Variants in ZNF142 observed in about 807,000 individuals in gnomAD.
ZNF142 encodes the protein zinc finger protein 142, also known as zinc finger protein 142 (clone pHZ-49).
Under a neutral mutation model 132.1 loss-of-function variants are expected in ZNF142, and 96 were observed. The observed-to-expected ratio is 0.73, with a 90% CI of 0.62 to 0.86. The LOEUF (loss-of-function observed/expected upper bound fraction) is 0.86, where lower values mean the gene tolerates loss of function less well. Among genes scored for constraint, ZNF142 ranks in the 40% least tolerant of loss-of-function variants. The pLI, the probability that ZNF142 is intolerant of heterozygous loss-of-function variation, is 0.00. For synonymous variants in ZNF142, 842 were observed against 890.1 expected, an observed-to-expected ratio of 0.95 and a Z score of 0.96; for missense variants, 2,163 against 2,336.2, an observed-to-expected ratio of 0.93 and a Z score of 1.53.
chr2:218,633,443 C>T lies in ZNF142; in HGVS notation c.*4896G>A, dbSNP rs1221320278. ...CTGTTGTCAGATTGTGGCCCAGGCT[C>T]CTATTTCCAAGCCTGAGTCCCTTCT... On this transcript the variant is annotated 3_prime_UTR_variant, in exon 11 of 11. Coordinates refer to ENST00000411696, the MANE Select transcript of ZNF142 (RefSeq NM_001379659.1). 3 of 834,260 alleles carry T rather than the reference C, an allele frequency of 3.6e-6. No homozygotes were observed. The highest frequency in any genetic ancestry group is 4.0e-5 in the Admixed American group (2 of 50,270). 51.7% of individuals were successfully genotyped at this position (834,260 alleles called of 1,614,324 possible). A position where few individuals can be genotyped will look rare whatever the true frequency, so the allele number is the denominator to read the frequency against.
rs778180578 is a variant in ZNF142 at position 218,643,645 on chromosome 2, G to A, written c.3471C>T (p.Ala1157=). ...GAGGGACTGGGGAACCAGAGACTGT[G>A]GCAAGAGGCTCTTCTGTTTCTTCTG... ...REPEETEEPL[A]TVSGSPVPPA... Residue 1157 remains alanine, a synonymous_variant, in exon 9 of 11, where the codon GCC becomes GCT. Coordinates refer to ENST00000411696, the MANE Select transcript of ZNF142 (RefSeq NM_001379659.1). The A allele has an allele frequency of 1.1e-5, 17 of 1,550,524 alleles. No homozygotes were observed. Among genetic ancestry groups the A allele is most frequent in the Non-Finnish European group, 1.4e-5 (16 of 1,151,948 alleles).
intron 10 of ZNF142, among the ~76,000 whole-genome samples, chr2:218,640,144 G>T (rs1697066227): frequency 6.8e-6 from 1 of 146,838 alleles, no homozygotes; most frequent in African/African-American, 2.5e-5. Context: ...CATAAAAGCA[G>T]AGGGCCTTGA....
Position 218,659,558 on chromosome 2 carries a change from CCTCCACCCCCA to C in ZNF142, c.-562_-552del, listed in dbSNP as rs770357884. 4 of 152,296 alleles carry C rather than the reference CCTCCACCCCCA, an allele frequency of 2.6e-5. No homozygotes were observed. The highest frequency in any genetic ancestry group is 5.9e-5 in the Non-Finnish European group (4 of 68,142). The allele number at this position is 152,296 out of a possible 1,614,324, so 9.4% of individuals were successfully genotyped here. Reference sequence around the variant, plus strand: ...GTTTTGTCTCTGTGGTTTTTCCCGCCCTCCACCCCCACTCCAGCCCTGAAGCCGGAGAAGCA... The same window carrying C: ...GTTTTGTCTCTGTGGTTTTTCCCGCCCTCCAGCCCTGAAGCCGGAGAAGCA... On this transcript the variant is annotated 5_prime_UTR_variant, in exon 1 of 11. The change abolishes the stop of an existing upstream ORF in the 5' untranslated region. Transcript: ENST00000411696. The surrounding 1 kb of genome is among the most constrained non-coding windows in gnomAD (Gnocchi z 4.4).
In ZNF142 at chr2:218,656,273, G is replaced by C. The variant is rs1381915819; in HGVS notation, c.157C>G (p.Pro53Ala). 3.1e-6 allele frequency: 5 copies of C among 1,613,360 alleles called. No homozygotes were observed. The highest frequency in any genetic ancestry group is 4.2e-6 in the Non-Finnish European group (5 of 1,179,702). ...PCPSRDPAPI[P>A]TEPGCLLVEA... Reference sequence around the variant, plus strand: ...ACCAGCAGGCAGCCTGGCTCAGTAGGTATAGGTGCAGGGTCCCGGGAAGGA... The same window carrying C: ...ACCAGCAGGCAGCCTGGCTCAGTAGCTATAGGTGCAGGGTCCCGGGAAGGA... The change falls in exon 4 of 11, where the codon CCT (proline) becomes GCT (alanine). Residue 53 changes from proline to alanine, a missense_variant. Transcript: ENST00000411696.
At position 218,640,729 on chromosome 2, in the gene ZNF142, C is replaced by G. The variant is rs779648750; in HGVS notation, c.5129G>C (p.Cys1710Ser). 2 of 1,614,164 alleles carry G rather than the reference C, an allele frequency of 1.2e-6. No homozygotes were observed. Among genetic ancestry groups the G allele is most frequent in the Non-Finnish European group, 1.7e-6 (2 of 1,180,028 alleles). The stretch of plus-strand genomic sequence containing the variant: ...CTTGCACTTGTAGCCACACTCAGGG[C>G]ACAGGTACTTCCGTTCCTCCTTGTG... ...RIHKEERKYLCPECGYKCKWV... is the reference protein window; with the variant it reads ...RIHKEERKYLSPECGYKCKWV... Residue 1710 changes from cysteine to serine, a missense_variant, in exon 10 of 11, where the codon TGC becomes TCC. By Grantham distance (112) the Cys-to-Ser change is moderately radical. Coordinates refer to ENST00000411696, the MANE Select transcript of ZNF142 (RefSeq NM_001379659.1).
chr2:218,633,795 T>C lies in ZNF142; in HGVS notation c.*4544A>G, dbSNP rs1696535203. 6.2e-7 allele frequency: 1 copy of C among 1,610,528 alleles called. No homozygotes were observed. On this transcript the variant is annotated 3_prime_UTR_variant, in exon 11 of 11. Coordinates refer to ENST00000411696, the MANE Select transcript of ZNF142 (RefSeq NM_001379659.1). ...CAAAATGGAGGGATGGGGAGGGAAG[T>C]GGGATGGATAGGTTCAGGCCTGATG...
Position 218,635,787 on chromosome 2 carries a change from T to C in ZNF142, c.*2552A>G. 6.2e-7 allele frequency: 1 copy of C among 1,610,522 alleles called. No homozygotes were observed. The highest frequency in any genetic ancestry group is 8.5e-7 in the Non-Finnish European group (1 of 1,178,426). Reference sequence around the variant, plus strand: ...AGGAACTTGTGAGATTCCAGAGCCCTGACTACAGGTGATCAGCGGTCAGCA... The same window carrying C: ...AGGAACTTGTGAGATTCCAGAGCCCCGACTACAGGTGATCAGCGGTCAGCA... On this transcript the variant is annotated 3_prime_UTR_variant, in exon 11 of 11. Coordinates refer to ENST00000411696, the MANE Select transcript of ZNF142 (RefSeq NM_001379659.1).
intron 4 of ZNF142, 55 bp downstream of exon 4, chr2:218,656,095 A>T: frequency 2.8e-6 from 4 of 1,443,916 alleles, no homozygotes; most frequent in Non-Finnish European, 3.7e-6. Flanking sequence ...AAAATAACCC[A>T]GACAAAACCT....
chr2:218,644,839 C>T lies in ZNF142; in HGVS notation c.2277G>A (p.Val759=). ...CSYQSRHKQA[V]LSHENCKHTR... ...TATGCTTGCAGTTCTCATGGCTCAGCACAGCCTGCTTGTGGCGGCTCTGGT... is the reference window on the plus strand; with the variant it reads ...TATGCTTGCAGTTCTCATGGCTCAGTACAGCCTGCTTGTGGCGGCTCTGGT... The change falls in exon 9 of 11, where the codon GTG becomes GTA. Residue 759 remains valine, a synonymous_variant. Transcript: ENST00000411696. The surrounding 1 kb of genome is among the most constrained non-coding windows in gnomAD (Gnocchi z 4.6). 6.2e-7 allele frequency: 1 copy of T among 1,614,218 alleles called. No homozygotes were observed. Among genetic ancestry groups the T allele is most frequent in the Non-Finnish European group, 8.5e-7 (1 of 1,180,040 alleles).
chr2:218,642,427 G>T lies in ZNF142; in HGVS notation c.4689C>A (p.Phe1563Leu), dbSNP rs761757094. The change falls in exon 9 of 11, where the codon TTC (phenylalanine) becomes TTA (leucine). Residue 1563 changes from phenylalanine (F) to leucine (L), a missense_variant. Physicochemically the swap from Phe to Leu is conservative, Grantham distance 22. Around this residue, in one of 7 missense-constraint regions of ZNF142, gnomAD observed 809 missense variants for 801.7 expected, o/e 1.01. Transcript: ENST00000411696. This position sits in a 1 kb window ranked among gnomAD's most constrained non-coding sequence, Gnocchi z 4.6. ...RLECGACQEA[F>L]PSRLALDEHR... ...GCTCATCCAGAGCCAGTCGGCTAGG[G>T]AAGGCCTCCTGGCAGGCCCCACACT... 6.2e-7 allele frequency: 1 copy of T among 1,613,064 alleles called. No individual in the cohort carries two copies. Among genetic ancestry groups the T allele is most frequent in the African/African-American group, 1.3e-5 (1 of 75,064 alleles).
rs754194022 is a variant in ZNF142 at position 218,643,196 on chromosome 2, G to A, written c.3920C>T (p.Pro1307Leu). ...QKQKGARFSC[P>L]TCPFSCQQER... ...CTGCTGGCAGCTAAAGGGACATGTA[G>A]GGCAGGAGAAGCGAGCCCCCTTCTG... Residue 1307 changes from proline (P) to leucine (L), a missense_variant, in exon 9 of 11, where the codon CCT becomes CTT. Physicochemically the swap from Pro to Leu is moderately conservative, Grantham distance 98 (BLOSUM62 -3). Transcript: ENST00000411696. 1.2e-6 allele frequency: 2 copies of A among 1,614,250 alleles called. No individual in the cohort carries two copies. Among genetic ancestry groups the A allele is most frequent in the Admixed American group, 1.7e-5 (1 of 60,032 alleles).
rs778475276 is a variant in ZNF142, at chr2:218,648,824, T to A, written c.1684A>T (p.Lys562Ter). 6 of 1,614,096 alleles carry A rather than the reference T, an allele frequency of 3.7e-6. No individual in the cohort carries two copies. The highest frequency in any genetic ancestry group is 5.1e-6 in the Non-Finnish European group (6 of 1,180,024). ...CSNKHLFRKHKKQGHPGSEEL... is the reference protein window; with the variant it reads ...CSNKHLFRKH Reference sequence around the variant, plus strand: ...TCACTGCCAGGGTGGCCCTGCTTCTTGTGTTTACGGAATAGGTGCTTATTG... The same window carrying A: ...TCACTGCCAGGGTGGCCCTGCTTCTAGTGTTTACGGAATAGGTGCTTATTG... Residue 562 changes from lysine to a stop codon, truncating the protein, a stop_gained, in exon 7 of 11, where the codon AAG becomes TAG. Coordinates refer to ENST00000411696, the MANE Select transcript of ZNF142 (RefSeq NM_001379659.1). LOFTEE classifies it high-confidence loss of function.
At position 218,646,166 on chromosome 2, in the gene ZNF142, T is replaced by G; in HGVS notation, c.2051+5A>C. Reference sequence around the variant, plus strand: ...TTGGGACGGAGGCCTATGTGTGTGTTGTACCTGAGGTCCCCTGCATGTTTT... The same window carrying G: ...TTGGGACGGAGGCCTATGTGTGTGTGGTACCTGAGGTCCCCTGCATGTTTT... On this transcript the variant is annotated splice_donor_5th_base_variant and intron_variant, in intron 8 of 10. Transcript: ENST00000411696. 1 of 1,612,452 alleles carries G rather than the reference T, an allele frequency of 6.2e-7. No homozygotes were observed. The highest frequency in any genetic ancestry group is 8.5e-7 in the Non-Finnish European group (1 of 1,179,498).
chr2:218,634,732 A>C lies in ZNF142; in HGVS notation c.*3607T>G. The C allele has an allele frequency of 7.5e-7, 1 of 1,326,140 alleles. No homozygotes were observed. The highest frequency in any genetic ancestry group is 1.4e-5 in the South Asian group (1 of 71,112). 82.1% of individuals were successfully genotyped at this position (1,326,140 alleles called of 1,614,324 possible). A position where few individuals can be genotyped will look rare whatever the true frequency, so the allele number is the denominator to read the frequency against. On this transcript the variant is annotated 3_prime_UTR_variant, in exon 11 of 11. Transcript: ENST00000411696. This position sits in a 1 kb window ranked among gnomAD's most constrained non-coding sequence, Gnocchi z 4.0. ...CCGGAATGTAGAGGCCGGATAGCCT[A>C]TTAACAGTGTCTAGTTTTAGCTTTT...
In ZNF142 at chr2:218,642,410, A is replaced by AC; in HGVS notation, c.4705_4706insG (p.Leu1569ArgfsTer3). On this transcript the variant is annotated frameshift_variant, in exon 9 of 11. Transcript: ENST00000411696. LOFTEE classifies it high-confidence loss of function. This position sits in a 1 kb window ranked among gnomAD's most constrained non-coding sequence, Gnocchi z 4.6. ...ATGCTGCTGCCTCCGGTGCTCATCCAGAGCCAGTCGGCTAGGGAAGGCCTC... is the reference window on the plus strand; with the variant it reads ...ATGCTGCTGCCTCCGGTGCTCATCCACGAGCCAGTCGGCTAGGGAAGGCCTC... The AC allele has an allele frequency of 6.2e-7, 1 of 1,613,116 alleles. No individual in the cohort carries two copies. The highest frequency in any genetic ancestry group is 8.5e-7 in the Non-Finnish European group (1 of 1,180,022).
Position 218,658,435 on chromosome 2 carries a change from G to A in ZNF142, c.-35+266C>T, listed in dbSNP as rs368100110. 6.0e-3 allele frequency among the ~76,000 whole-genome samples: 907 copies of A among 152,242 alleles called. 9 individuals are homozygous for A. The highest frequency in any genetic ancestry group is 0.02 in the African/African-American group (842 of 41,524). On this transcript the variant is annotated intron_variant, in intron 3 of 10. Coordinates refer to ENST00000411696, the MANE Select transcript of ZNF142 (RefSeq NM_001379659.1). ...ACACGCCTGTAATCCCAGCTACTCG[G>A]GAGGCTGAGGCAGGAGAATCGCTGG...
chr2:218,640,580 T>C (rs1285324238), intron 10 of ZNF142, 84 bp downstream of exon 10: 4 of 1,246,742 alleles, frequency 3.2e-6, no homozygotes, highest in Non-Finnish European at 4.7e-6. Context: ...GGCCCTGAAT[T>C]GGAACAAGGA....
rs756893090 is a variant in ZNF142, at chr2:218,643,531, G to A, written c.3585C>T (p.Ala1195=). ...PPAGNSSPTE[A]PKKHHLDPVP... is the part of the protein sequence containing the mutation. ...CTGGGTCAAGGTGGTGCTTCTTAGGGGCCTCCGTGGGTGAGGAGTTTCCTG... is the reference window on the plus strand; with the variant it reads ...CTGGGTCAAGGTGGTGCTTCTTAGGAGCCTCCGTGGGTGAGGAGTTTCCTG... The change falls in exon 9 of 11, where the codon GCC becomes GCT. Residue 1195 remains alanine (A), a synonymous_variant. Transcript: ENST00000411696. The A allele has an allele frequency of 7.5e-6, 12 of 1,609,724 alleles. No homozygotes were observed. The highest frequency in any genetic ancestry group is 1.7e-4 in the Middle Eastern group (1 of 6,046).
In ZNF142 at chr2:218,642,587, G is replaced by T; in HGVS notation, c.4529C>A (p.Pro1510His). The T allele has an allele frequency of 6.2e-7, 1 of 1,611,550 alleles. No homozygotes were observed. The highest frequency in any genetic ancestry group is 8.5e-7 in the Non-Finnish European group (1 of 1,179,218). The change falls in exon 9 of 11, where the codon CCC (proline) becomes CAC (histidine). Residue 1510 changes from proline to histidine, a missense_variant. Pro to His is a moderately conservative substitution (Grantham distance 77). Transcript: ENST00000411696. This position sits in a 1 kb window ranked among gnomAD's most constrained non-coding sequence, Gnocchi z 4.6. ...GCCAGGGGCAGGCTGTGCAGGCTCG[G>T]GGTGTCGGCGCAGAGCATGCTGCTT... is the stretch of plus-strand genomic sequence containing the variant. ...ALKQHALRRH[P>H]EPAQPAPGSP...
Sources: gnomAD v4.1 joint callset for allele counts (sites outside exome capture counted in the v4.1 genomes callset) on GRCh38, gnomAD v4.1.1 for gene constraint, gnomAD v4.1.1 regional missense constraint, Gnocchi (gnomAD v3.1) non-coding constraint, MANE v1.5 for transcripts, NCBI Gene and HGNC (gene_info 2026-07-23, HGNC 2026-07-21) for gene names.